LRGUK: variants seen among roughly 807,000 people sequenced by gnomAD.
The protein encoded by LRGUK is leucine rich repeats and guanylate kinase domain containing, also known as leucine-rich repeat and guanylate kinase domain-containing protein.
Under a neutral mutation model 76.0 loss-of-function variants are expected in LRGUK, and 65 were observed. That is an observed-to-expected ratio of 0.85 (90% confidence interval 0.70 to 1.05). LRGUK has a LOEUF of 1.05. Ranked by LOEUF, LRGUK falls within the 50% of genes least tolerant of loss-of-function variation. The pLI is 0.00. For synonymous variants in LRGUK, 268 were observed against 265.6 expected (o/e 1.01, Z -0.09); for missense variants, 758 against 732.8 (o/e 1.03, Z -0.40).
At chr7:134,144,397 C>G (rs1474012052) in intron 4 of LRGUK, among the ~76,000 whole-genome samples, 1 of 148,210 alleles carries the variant, frequency 6.7e-6, no homozygotes, top group African/African-American at 2.5e-5. Flanking sequence ...CCTCAGCCTC[C>G]CAAAGTGCTA....
chr7:134,127,914 A>G (rs1489237276), intron 1 of LRGUK, among the ~76,000 whole-genome samples: 1 of 151,908 alleles, frequency 6.6e-6, no homozygotes, highest in African/African-American at 2.4e-5. Context: ...TTATGAGTCG[A>G]GTTAACACAG....
chr7:134,182,461 C>T (rs1444134461), intron 10 of LRGUK, among the ~76,000 whole-genome samples: 1 of 152,138 alleles, frequency 6.6e-6, no homozygotes, highest in African/African-American at 2.4e-5. Flanking sequence ...ACTGTAGTAC[C>T]ACACAGGTTT....
downstream of LRGUK, among the ~76,000 whole-genome samples, chr7:134,213,894 A>G (rs891875842): frequency 5.3e-5 from 8 of 152,248 alleles, no homozygotes; most frequent in Non-Finnish European, 8.8e-5. Context: ...CAAGGTTCCT[A>G]TCATTCCCAT....
intron 10 of LRGUK, among the ~76,000 whole-genome samples, chr7:134,180,814 T>G (rs1585505522): frequency 6.6e-6 from 1 of 152,198 alleles, no homozygotes; most frequent in East Asian, 1.9e-4. Flanking sequence ...CATAATGTTA[T>G]GTAACCATCA....
At chr7:134,144,873 G>A in intron 4 of LRGUK, among the ~76,000 whole-genome samples, 1 of 152,096 alleles carries the variant, frequency 6.6e-6, no homozygotes, top group Admixed American at 6.5e-5. Flanking sequence ...GCATCGTCTT[G>A]AGGTTATCAG....
At chr7:134,215,065 G>A (rs1379861463), downstream of LRGUK, among the ~76,000 whole-genome samples, 1 of 152,048 alleles carries the variant, frequency 6.6e-6, no homozygotes, top group Non-Finnish European at 1.5e-5. Context: ...CTTGTTATGA[G>A]GAATCCTGTT....
intron 10 of LRGUK, among the ~76,000 whole-genome samples, chr7:134,179,856 G>A (rs1468028935): frequency 6.6e-6 from 1 of 152,182 alleles, no homozygotes; most frequent in Admixed American, 6.5e-5. Context: ...GGCCTGCAAT[G>A]CCCTTCCTAC....
intron 18 of LRGUK, among the ~76,000 whole-genome samples, chr7:134,257,304 G>T (rs1378902504): frequency 1.3e-5 from 2 of 152,174 alleles, no homozygotes; most frequent in African/African-American, 4.8e-5. Flanking sequence ...AATATGGTGG[G>T]GATGAGGCAC....
At chr7:134,201,959 T>C (rs373942117) in intron 15 of LRGUK, among the ~76,000 whole-genome samples, 2 of 152,164 alleles carry the variant, frequency 1.3e-5, no homozygotes, top group South Asian at 2.1e-4. Flanking sequence ...TTTCCCCTTT[T>C]CTTTGCGTTA....
At chr7:134,139,842 C>T (rs928167754) in intron 3 of LRGUK, among the ~76,000 whole-genome samples, 3 of 152,054 alleles carry the variant, frequency 2.0e-5, no homozygotes, top group African/African-American at 7.2e-5. Context: ...CTTTTCTTTT[C>T]CTCTGTTACT....
At chr7:134,269,350 C>CTTTTTTTT (rs71172445), downstream of LRGUK, among the ~76,000 whole-genome samples, 3 of 123,920 alleles carry the variant, frequency 2.4e-5, no homozygotes, top group African/African-American at 6.2e-5. Flanking sequence ...GATTTCAATT[C>CTTTTTTTT]TTTTTTTTTT....
intron 16 of LRGUK, among the ~76,000 whole-genome samples, chr7:134,230,606 C>T (rs770346488): frequency 6.6e-6 from 1 of 152,114 alleles, no homozygotes; most frequent in Non-Finnish European, 1.5e-5. Flanking sequence ...AGCAGTAGAA[C>T]AGCTATGTAA....
rs34245697 is a variant in LRGUK at position 134,248,919 on chromosome 7, G to GTTTTT, written c.2073-21_2073-17dup. Reference sequence around the variant, plus strand: ...CTTGGTATCTTTACAAAATCCTTTGGTTTTTTTTTTTTTTTAAATTTCCCA... The same window carrying GTTTTT: ...CTTGGTATCTTTACAAAATCCTTTGGTTTTTTTTTTTTTTTTTTTTAAATTTCCCA... On this transcript the variant is annotated intron_variant, in intron 17 of 19. Transcript: ENST00000285928. The GTTTTT allele has an allele frequency of 1.3e-5, 16 of 1,200,128 alleles. No individual in the cohort carries two copies. In the East Asian group the frequency reaches 2.5e-4, roughly 19 times the overall value. 74.3% of individuals were successfully genotyped at this position (1,200,128 alleles called of 1,614,324 possible).
chr7:134,217,814 T>G (rs1801476336), intron 15 of LRGUK, among the ~76,000 whole-genome samples: 1 of 152,210 alleles, frequency 6.6e-6, no homozygotes, highest in South Asian at 2.1e-4. Flanking sequence ...TGACTACATA[T>G]TTCAGTATCA....
intron 11 of LRGUK, among the ~76,000 whole-genome samples, chr7:134,190,859 A>C (rs1207637809): frequency 6.6e-6 from 1 of 152,286 alleles, no homozygotes; most frequent in East Asian, 1.9e-4. Flanking sequence ...TAGGAAAAAA[A>C]CAGATAAATA....
chr7:134,276,661 TC>T, the LRGUK span, among the ~76,000 whole-genome samples: 1 of 152,080 alleles, frequency 6.6e-6, no homozygotes, highest in African/African-American at 2.4e-5. Context: ...AGGATATTTT[TC>T]ACATTTTAAT....
chr7:134,137,987 C>A (rs558167915), intron 2 of LRGUK, among the ~76,000 whole-genome samples: 3 of 152,144 alleles, frequency 2.0e-5, no homozygotes, highest in Non-Finnish European at 4.4e-5. Flanking sequence ...CTTTTTTCAC[C>A]TTTGCTAGTT....
In LRGUK at chr7:134,136,894, G is replaced by T. The variant is rs1329038078; in HGVS notation, c.298-129G>T. The T allele has an allele frequency of 6.0e-6, 4 of 667,076 alleles. No individual in the cohort carries two copies. The African/African-American group carries it at 7.3e-5, about 12-fold the overall frequency. 41.3% of individuals were successfully genotyped at this position (667,076 alleles called of 1,614,324 possible). On this transcript the variant is annotated intron_variant, in intron 1 of 15. Coordinates refer to ENST00000645682, the Ensembl canonical transcript of LRGUK. ...TTATCAACACAGAATTTTTTTGGGG[G>T]TTGGTAAATTTTGGAGAGCTCAGCT...
At chr7:134,159,538 C>T (rs546778023) in intron 6 of LRGUK, among the ~76,000 whole-genome samples, 130 of 152,270 alleles carry the variant, frequency 8.5e-4, no homozygotes, top group African/African-American at 2.9e-3. Flanking sequence ...CGCCTGTAAT[C>T]CCAGCACTTT....
Sources: allele counts gnomAD v4.1 joint callset (sites outside exome capture counted in the v4.1 genomes callset), GRCh38; gene constraint gnomAD v4.1.1; transcripts MANE v1.5; gene names NCBI Gene and HGNC (gene_info 2026-07-23, HGNC 2026-07-21).